Variants in HIVEP2 observed in about 807,000 individuals in gnomAD.
The protein encoded by HIVEP2 is HIVEP zinc finger 2.
Under a neutral mutation model 180.7 loss-of-function variants are expected in HIVEP2, and 14 were observed. That is an observed-to-expected ratio of 0.08 (90% CI 0.05 to 0.12). The LOEUF (loss-of-function observed/expected upper bound fraction) is 0.12. HIVEP2 is among the 10% of genes least tolerant of loss of function. The pLI, the probability that HIVEP2 is intolerant of heterozygous loss-of-function variation, is 1.00. For synonymous variants in HIVEP2, 1,184 were observed against 1,136.4 expected (o/e 1.04, Z -0.84); for missense variants, 2,579 against 3,008.5 (o/e 0.86, Z 3.34).
chr6:142,853,266 T>C (rs1283522266), intron 1 of HIVEP2, among the ~76,000 whole-genome samples: 1 of 152,170 alleles, frequency 6.6e-6, no homozygotes, highest in East Asian at 1.9e-4. Flanking sequence ...CCTCTGAGCC[T>C]GGGGCTTAGT....
chr6:142,945,623 C>T (rs1259566844), upstream of HIVEP2, among the ~76,000 whole-genome samples: 1 of 152,318 alleles, frequency 6.6e-6, no homozygotes, highest in South Asian at 2.1e-4. The surrounding 1 kb of genome is among the most constrained non-coding windows in gnomAD (Gnocchi z 5.5). Context: ...GCCGGGAGAC[C>T]CTCCAAGTTG....
rs1405592668 is a variant in HIVEP2 at position 142,751,586 on chromosome 6, TG to T, written c.*1520del. 1 of 152,678 alleles carries T rather than the reference TG, an allele frequency of 6.5e-6. No homozygotes were observed. The highest frequency in any genetic ancestry group is 1.5e-5 in the Non-Finnish European group (1 of 68,038). The allele number at this position is 152,678 out of a possible 1,614,324, so 9.5% of individuals were successfully genotyped here. A position where few individuals can be genotyped will look rare whatever the true frequency, so the allele number is the denominator to read the frequency against. Reference sequence around the variant, plus strand: ...TATATAGCACAAAGATAACCCAGATTGTATGTGTGCGTGCACACATGTGCGT... The same window carrying T: ...TATATAGCACAAAGATAACCCAGATTTATGTGTGCGTGCACACATGTGCGT... On this transcript the variant is annotated 3_prime_UTR_variant, in exon 10 of 10. Transcript: ENST00000367603.
intron 9 of HIVEP2, among the ~76,000 whole-genome samples, chr6:142,757,436 G>A (rs780986969): frequency 3.9e-5 from 6 of 152,140 alleles, no homozygotes; most frequent in Admixed American, 2.0e-4. Context: ...CGAGGCAGGC[G>A]GATCATGAGG....
intron 1 of HIVEP2, among the ~76,000 whole-genome samples, chr6:142,856,660 G>C (rs1174249410): frequency 1.3e-5 from 2 of 152,230 alleles, no homozygotes; most frequent in Admixed American, 1.3e-4. Context: ...CAAGCGTAAA[G>C]CCTTCAATGC....
chr6:142,771,309 G>T lies in HIVEP2; in HGVS notation c.3430C>A (p.Pro1144Thr). The T allele has an allele frequency of 6.2e-7, 1 of 1,613,414 alleles. No individual in the cohort carries two copies. The highest frequency in any genetic ancestry group is 8.5e-7 in the Non-Finnish European group (1 of 1,180,032). ...TGCAGTGGCCCCGAGCTCAGCGGGGGACAAGGACCCGCCACCTGCTTCCCT... is the reference window on the plus strand; with the variant it reads ...TGCAGTGGCCCCGAGCTCAGCGGGGTACAAGGACCCGCCACCTGCTTCCCT... ...DPGKQVAGPC[P>T]PLSSGPLHLA... Residue 1144 changes from proline (P) to threonine (T), a missense_variant, in exon 5 of 10, where the codon CCC (proline) becomes ACC (threonine). Coordinates refer to ENST00000367603, the MANE Select transcript of HIVEP2 (RefSeq NM_006734.4). This position sits in a 1 kb window ranked among gnomAD's most constrained non-coding sequence, Gnocchi z 5.4.
At chr6:142,828,134 T>C (rs1774964253) in intron 2 of HIVEP2, among the ~76,000 whole-genome samples, 1 of 152,172 alleles carries the variant, frequency 6.6e-6, no homozygotes, top group South Asian at 2.1e-4. Flanking sequence ...CCCTTAAATA[T>C]AAAGCTCTAA....
In HIVEP2 at chr6:142,783,510, T is replaced by C. The variant is rs1775910206; in HGVS notation, c.-433+11A>G. 6.6e-6 allele frequency: 1 copy of C among 152,110 alleles called. No homozygotes were observed. The highest frequency in any genetic ancestry group is 2.4e-5 in the African/African-American group (1 of 41,432). The allele number at this position is 152,110 out of a possible 1,614,324, so 9.4% of individuals were successfully genotyped here. A position where few individuals can be genotyped will look rare whatever the true frequency, so the allele number is the denominator to read the frequency against. Reference sequence around the variant, plus strand: ...CAAGAGAGTAAGAATAAATAAATTTTAGTTATTAACCTGTTATCCTCATAT... The same window carrying C: ...CAAGAGAGTAAGAATAAATAAATTTCAGTTATTAACCTGTTATCCTCATAT... On this transcript the variant is annotated intron_variant, in intron 3 of 9. Coordinates refer to ENST00000367603, the MANE Select transcript of HIVEP2 (RefSeq NM_006734.4).
At chr6:142,830,535 C>T (rs901158188) in intron 2 of HIVEP2, among the ~76,000 whole-genome samples, 2 of 151,942 alleles carry the variant, frequency 1.3e-5, no homozygotes, top group African/African-American at 4.8e-5. Context: ...AACCTAAAAT[C>T]ATCCTAAACT....
intron 1 of HIVEP2, among the ~76,000 whole-genome samples, chr6:142,933,246 T>C (rs932934427): frequency 7.2e-5 from 11 of 152,228 alleles, no homozygotes; most frequent in African/African-American, 2.7e-4. Context: ...AATACTTACA[T>C]GTCAAATACA....
rs1251528618 is a variant in HIVEP2, at chr6:142,772,348, A to G, written c.2391T>C (p.Asn797=). The stretch of plus-strand genomic sequence containing the variant: ...TGGTGTGCTGAATCACAGAAATCAC[A>G]TTTCCAGGAGGTTTCCTGCCCCCTA... The part of the protein sequence containing the change: ...SDLGGRKPPG[N]VISVIQHTNS... The change falls in exon 5 of 10, where the codon AAT becomes AAC. Residue 797 remains asparagine (N), a synonymous_variant. Transcript: ENST00000367603. The surrounding 1 kb of genome is among the most constrained non-coding windows in gnomAD (Gnocchi z 4.9). 1 of 1,614,154 alleles carries G rather than the reference A, an allele frequency of 6.2e-7. No homozygotes were observed.
chr6:142,772,363 C>T lies in HIVEP2; in HGVS notation c.2376G>A (p.Arg792=), dbSNP rs1775569903. The stretch of plus-strand genomic sequence containing the variant: ...CAGAAATCACATTTCCAGGAGGTTT[C>T]CTGCCCCCTAGGTCTGACATCTTGT... ...DSDKMSDLGG[R]KPPGNVISVI... is the part of the protein sequence containing the mutation. Residue 792 remains arginine, a synonymous_variant, in exon 5 of 10, where the codon AGG becomes AGA. Transcript: ENST00000367603. This position sits in a 1 kb window ranked among gnomAD's most constrained non-coding sequence, Gnocchi z 4.9. 2 of 1,614,228 alleles carry T rather than the reference C, an allele frequency of 1.2e-6. No homozygotes were observed. Among genetic ancestry groups the T allele is most frequent in the Non-Finnish European group, 1.7e-6 (2 of 1,180,036 alleles).
Position 142,759,159 on chromosome 6 carries a change from C to T in HIVEP2, c.6516+613G>A, listed in dbSNP as rs1384537821. Among the ~76,000 whole-genome samples, 3 of 151,850 alleles carry T rather than the reference C, an allele frequency of 2.0e-5. No homozygotes were observed. In the East Asian group the frequency reaches 5.8e-4, roughly 29 times the overall value. ...TCTACCAATAAATACAAAAATTAGCCAGGTGTGGTGATACACGCCTGTAGT... is the reference window on the plus strand; with the variant it reads ...TCTACCAATAAATACAAAAATTAGCTAGGTGTGGTGATACACGCCTGTAGT... On this transcript the variant is annotated intron_variant, in intron 9 of 9. Coordinates refer to ENST00000367603, the MANE Select transcript of HIVEP2 (RefSeq NM_006734.4).
intron 2 of HIVEP2, among the ~76,000 whole-genome samples, chr6:142,820,374 A>T (rs1776999061): frequency 6.8e-6 from 1 of 147,786 alleles, no homozygotes; most frequent in African/African-American, 2.5e-5. Flanking sequence ...TATAATTGGG[A>T]TTTTTCTGTT....
chr6:142,931,365 C>T (rs1014936211), intron 1 of HIVEP2, among the ~76,000 whole-genome samples: 1 of 151,758 alleles, frequency 6.6e-6, no homozygotes, highest in African/African-American at 2.4e-5. Context: ...TTCTGTATCC[C>T]CATTTTTAAT....
chr6:142,883,235 T>G (rs532764516), intron 1 of HIVEP2, among the ~76,000 whole-genome samples: 1 of 152,050 alleles, frequency 6.6e-6, no homozygotes, highest in Non-Finnish European at 1.5e-5. Context: ...GATTTGCATA[T>G]GTAGTTACAA....
intron 7 of HIVEP2, among the ~76,000 whole-genome samples, chr6:142,762,238 T>G (rs1775262065): frequency 1.3e-5 from 2 of 152,056 alleles, no homozygotes; most frequent in African/African-American, 2.4e-5. Context: ...GCAGCAACAT[T>G]CCCTCTTTAC....
intron 2 of HIVEP2, among the ~76,000 whole-genome samples, chr6:142,818,719 G>A (rs57548612): frequency 0.032 from 1,353 of 42,946 alleles, 15 homozygotes; most frequent in East Asian, 0.057. Context: ...AAGAAAGAAA[G>A]AAAAGAAAGA....
chr6:142,833,920 C>A (rs1385923071), intron 2 of HIVEP2, among the ~76,000 whole-genome samples: 1 of 152,032 alleles, frequency 6.6e-6, no homozygotes, highest in Non-Finnish European at 1.5e-5. Context: ...ATACAAGGAA[C>A]CAAACAGAAG....
chr6:142,851,156 GCAA>G (rs1482846675), intron 1 of HIVEP2, among the ~76,000 whole-genome samples: 4 of 152,196 alleles, frequency 2.6e-5, no homozygotes, highest in Non-Finnish European at 5.9e-5. Context: ...AGAAGGAAAA[GCAA>G]CAACAAGAGG....
Sources: allele counts gnomAD v4.1 joint callset (sites outside exome capture counted in the v4.1 genomes callset), GRCh38; gene constraint gnomAD v4.1.1; non-coding constraint Gnocchi (gnomAD v3.1); transcripts MANE v1.5; gene names NCBI Gene and HGNC (gene_info 2026-07-23, HGNC 2026-07-21).